Variants in DDO observed in about 807,000 individuals in gnomAD.
The protein encoded by DDO is D-aspartate oxidase, also known as D-aspartate oxidase, DDO.
DDO carries 16 observed loss-of-function variants against 16.8 expected under a neutral mutation model. The observed-to-expected ratio is 0.95, with a 90% CI of 0.65 to 1.45. DDO has a LOEUF of 1.45. Ranked by LOEUF, DDO falls within the 40% of genes most tolerant of loss-of-function variation. The probability of loss-of-function intolerance (pLI) is 0.00; values close to 1 mark genes in which losing one functional copy is unlikely to be tolerated. For missense variants in DDO, 429 were observed against 420.3 expected (o/e 1.02, Z -0.18); for synonymous variants, 180 against 167.2 (o/e 1.08, Z -0.59).
At chr6:110,396,131 G>T (rs1000136346) in intron 4 of DDO, among the ~76,000 whole-genome samples, 2 of 152,208 alleles carry the variant, frequency 1.3e-5, no homozygotes, top group African/African-American at 4.8e-5. Context: ...GACCCCAATA[G>T]CTCAGCTTCC....
chr6:110,407,149 C>G (rs2114833256), intron 3 of DDO, among the ~76,000 whole-genome samples: 1 of 152,232 alleles, frequency 6.6e-6, no homozygotes, highest in East Asian at 1.9e-4. Context: ...ATACTTACGC[C>G]AAAGATGCAC....
intron 4 of DDO, among the ~76,000 whole-genome samples, chr6:110,403,763 A>G (rs1416811862): frequency 6.6e-6 from 1 of 152,216 alleles, no homozygotes; most frequent in Non-Finnish European, 1.5e-5. Flanking sequence ...GTGTGTTACC[A>G]TCATTGTTAA....
chr6:110,393,738 ATAT>A (rs1582468954), intron 4 of DDO, among the ~76,000 whole-genome samples: 2 of 152,242 alleles, frequency 1.3e-5, no homozygotes, highest in Admixed American at 6.5e-5. Flanking sequence ...ATTTTATCTC[ATAT>A]TGTTAACTCT....
chr6:110,393,193 A>T lies in DDO; in HGVS notation c.608T>A (p.Val203Asp), dbSNP rs1252369728. The T allele has an allele frequency of 6.2e-7, 1 of 1,614,220 alleles. No homozygotes were observed. The highest frequency in any genetic ancestry group is 2.2e-5 in the East Asian group (1 of 44,886). ...CACCCAGGGAGCCTGAACTTGGAGGACTTGGCCCCTTACAGGGAAAATCTT... is the reference window on the plus strand; with the variant it reads ...CACCCAGGGAGCCTGAACTTGGAGGTCTTGGCCCCTTACAGGGAAAATCTT... ...DSKIFPVRGQ[V>D]LQVQAPWVEH... is the part of the protein sequence containing the mutation. The change falls in exon 5 of 5, where the codon GTC (valine) becomes GAC (aspartate). Residue 203 changes from valine (V) to aspartate (D), a missense_variant. Transcript: ENST00000368924.
chr6:110,408,344 A>G lies in DDO; in HGVS notation c.271T>C (p.Leu91=), dbSNP rs757863840. 2 of 1,614,094 alleles carry G rather than the reference A, an allele frequency of 1.2e-6. No homozygotes were observed. The highest frequency in any genetic ancestry group is 1.7e-5 in the Admixed American group (1 of 60,020). The change falls in exon 3 of 5, where the codon TTG becomes CTG. Residue 91 remains leucine, a synonymous_variant. Transcript: ENST00000368924. ...AATTTCTTCACTTACCCTGATACCA[A>G]ATGAACACCAGCATCTCCAGCTTCT... ...SAEAGDAGVH[L]VSGWQIFQST...
Position 110,404,903 on chromosome 6 carries a change from GC to G in DDO, c.328del (p.Ala110LeufsTer10). ...CTTTCGAAATCCCAGAACCACGTCAGCCCAGAATGGCACTTCTTCAGTCGGA... is the reference window on the plus strand; with the variant it reads ...CTTTCGAAATCCCAGAACCACGTCAGCCAGAATGGCACTTCTTCAGTCGGA... ...STPTEEVPFWADVVLGFRKMT... is the reference protein window; with the variant it reads ...STPTEEVPFWXDVVLGFRKMT... On this transcript the variant is annotated frameshift_variant, in exon 4 of 5. Transcript: ENST00000368924. LOFTEE classifies it high-confidence loss of function. 2 of 1,614,224 alleles carry G rather than the reference GC, an allele frequency of 1.2e-6. No individual in the cohort carries two copies. Among genetic ancestry groups the G allele is most frequent in the Non-Finnish European group, 1.7e-6 (2 of 1,180,038 alleles).
chr6:110,408,700 C>T (rs138474704), intron 2 of DDO, among the ~76,000 whole-genome samples: 7 of 152,306 alleles, frequency 4.6e-5, no homozygotes, highest in Admixed American at 2.0e-4. Flanking sequence ...CCAATAAGGG[C>T]AAAACCCGGC....
intron 2 of DDO, among the ~76,000 whole-genome samples, chr6:110,412,862 A>G (rs1020460987): frequency 3.3e-5 from 5 of 152,192 alleles, no homozygotes; most frequent in African/African-American, 1.2e-4. Context: ...TTAAAACCGC[A>G]CATTATGGCC....
chr6:110,401,408 T>G (rs1344357426), intron 4 of DDO, among the ~76,000 whole-genome samples: 1 of 151,960 alleles, frequency 6.6e-6, no homozygotes, highest in Non-Finnish European at 1.5e-5. Context: ...AATGTTTTTC[T>G]TCTCCAAATT....
chr6:110,407,104 T>A (rs1360787035), intron 3 of DDO, among the ~76,000 whole-genome samples: 1 of 152,136 alleles, frequency 6.6e-6, no homozygotes, highest in Non-Finnish European at 1.5e-5. Flanking sequence ...GCTGAATATG[T>A]TGTTTTGAAG....
intron 4 of DDO, among the ~76,000 whole-genome samples, chr6:110,397,469 T>C (rs1773328059): frequency 6.6e-6 from 1 of 152,322 alleles, no homozygotes; most frequent in South Asian, 2.1e-4. Context: ...GATATCCTAA[T>C]TAATTAAAAC....
intron 3 of DDO, among the ~76,000 whole-genome samples, chr6:110,406,351 C>T (rs1434290832): frequency 6.6e-6 from 1 of 152,034 alleles, no homozygotes; most frequent in Non-Finnish European, 1.5e-5. Flanking sequence ...AAAATGGTAC[C>T]CATCCATGCA....
chr6:110,395,790 C>T (rs542269323), intron 4 of DDO, among the ~76,000 whole-genome samples: 3 of 152,250 alleles, frequency 2.0e-5, no homozygotes, highest in East Asian at 1.9e-4. Context: ...TCTAACTTTC[C>T]GCCCCACTTC....
At chr6:110,405,251 T>C (rs1773614473) in intron 3 of DDO, among the ~76,000 whole-genome samples, 1 of 152,216 alleles carries the variant, frequency 6.6e-6, no homozygotes, top group African/African-American at 2.4e-5. Flanking sequence ...TTGCCCAGGC[T>C]GGTCTCAAAC....
chr6:110,412,103 G>A (rs995953076), intron 2 of DDO, among the ~76,000 whole-genome samples: 99 of 152,012 alleles, frequency 6.5e-4, no homozygotes, highest in African/African-American at 2.2e-3. Flanking sequence ...AAAATTAGCC[G>A]GGCGTGGTGG....
chr6:110,409,874 C>T (rs1436947524), intron 2 of DDO, among the ~76,000 whole-genome samples: 6 of 152,180 alleles, frequency 3.9e-5, no homozygotes, highest in African/African-American at 1.4e-4. Flanking sequence ...GAAGTCATCC[C>T]AAAGAACAGA....
In DDO at chr6:110,406,655, C is replaced by T. The variant is rs532763855; in HGVS notation, c.281+1679G>A. ...TGGACTTCCTTCAGTCCCTCCCACACACCACAGTCGCCCTAGACTCAGGTC... is the reference window on the plus strand; with the variant it reads ...TGGACTTCCTTCAGTCCCTCCCACATACCACAGTCGCCCTAGACTCAGGTC... On this transcript the variant is annotated intron_variant, in intron 3 of 4. Transcript: ENST00000368924. Among the ~76,000 whole-genome samples the T allele has an allele frequency of 6.6e-5, 10 of 152,352 alleles. No homozygotes were observed. The South Asian group carries it at 1.9e-3, about 28-fold the overall frequency.
intron 3 of DDO, among the ~76,000 whole-genome samples, chr6:110,407,360 G>T (rs1403991298): frequency 6.6e-6 from 1 of 152,122 alleles, no homozygotes; most frequent in Admixed American, 6.6e-5. Flanking sequence ...AAGCAAAACT[G>T]CTACTTTGGG....
At position 110,392,615 on chromosome 6, in the gene DDO, T is replaced by C. The variant is rs1773133944; in HGVS notation, c.*160A>G. 2 of 1,306,974 alleles carry C rather than the reference T, an allele frequency of 1.5e-6. No homozygotes were observed. The highest frequency in any genetic ancestry group is 7.3e-5 in the Admixed American group (2 of 27,326). The allele number at this position is 1,306,974 out of a possible 1,614,324, so 81.0% of individuals were successfully genotyped here. ...CCTCAGCCTCTCAAGTAGCTGGGACTATAGGCATGCCACCGTGCTCAGCTT... is the reference window on the plus strand; with the variant it reads ...CCTCAGCCTCTCAAGTAGCTGGGACCATAGGCATGCCACCGTGCTCAGCTT... On this transcript the variant is annotated 3_prime_UTR_variant, in exon 5 of 5. Coordinates refer to ENST00000368924, the MANE Select transcript of DDO (RefSeq NM_001372108.2).
Sources: gnomAD v4.1 joint callset for allele counts (sites outside exome capture counted in the v4.1 genomes callset) on GRCh38, gnomAD v4.1.1 for gene constraint, MANE v1.5 for transcripts, NCBI Gene and HGNC (gene_info 2026-07-23, HGNC 2026-07-21) for gene names.